BICD1: variants seen among roughly 807,000 people sequenced by gnomAD.
BICD1 encodes the protein BICD cargo adaptor 1.
Under a neutral mutation model 92.5 loss-of-function variants are expected in BICD1, and 35 were observed. That is an observed-to-expected ratio of 0.38 (90% CI 0.29 to 0.50). The LOEUF is 0.50. Ranked by LOEUF, BICD1 falls within the 20% of genes least tolerant of loss-of-function variation. BICD1 has a pLI of 0.93. For synonymous variants in BICD1, 429 were observed against 465.1 expected (o/e 0.92, Z 1.00); for missense variants, 950 against 1,189.8 (o/e 0.80, Z 2.97).
chr12:32,339,219 T>C, intron 8 of BICD1: 1 of 1,239,860 alleles, frequency 8.1e-7, no homozygotes, highest in South Asian at 2.7e-5. Context: ...TTGGAAGGAA[T>C]GGGATAGGTA....
chr12:32,235,336 A>G (rs573122775), intron 2 of BICD1, among the ~76,000 whole-genome samples: 13 of 152,228 alleles, frequency 8.5e-5, no homozygotes, highest in Non-Finnish European at 1.5e-4. Context: ...ATTAATGATA[A>G]TGAAACTAGG....
In BICD1 at chr12:32,337,253, CAAAT is replaced by C. The variant is rs1443352023; in HGVS notation, c.2253-242_2253-239del. Among the ~76,000 whole-genome samples, 1 of 152,020 alleles carries C rather than the reference CAAAT, an allele frequency of 6.6e-6. No homozygotes were observed. The highest frequency in any genetic ancestry group is 1.9e-4 in the East Asian group (1 of 5,184). ...TACAGCGAGACTCAGTCTCAAAAAA[CAAAT>C]AAACAAAACAACAACAACAAAATAA... is the stretch of plus-strand genomic sequence containing the variant. On this transcript the variant is annotated intron_variant, in intron 6 of 9. Coordinates refer to ENST00000652176, the MANE Select transcript of BICD1 (RefSeq NM_001714.4). The surrounding 1 kb of genome is among the most constrained non-coding windows in gnomAD (Gnocchi z 4.7).
chr12:32,221,607 G>A (rs940901888), intron 2 of BICD1, among the ~76,000 whole-genome samples: 8 of 151,758 alleles, frequency 5.3e-5, no homozygotes, highest in Non-Finnish European at 1.0e-4. Context: ...CTTGAACCCG[G>A]GAGGCAGAGG....
intron 9 of BICD1, among the ~76,000 whole-genome samples, chr12:32,373,412 T>C (rs1171595949): frequency 1.3e-5 from 2 of 152,272 alleles, no homozygotes; most frequent in East Asian, 3.9e-4. Context: ...ATTAATACTA[T>C]AGATAATAAC....
chr12:32,294,282 C>A, intron 3 of BICD1, 136 bp downstream of exon 3: 1 of 862,234 alleles, frequency 1.2e-6, no homozygotes, highest in Non-Finnish European at 1.7e-6. Context: ...ACTGCAATGT[C>A]CCAACCCTCC....
At chr12:32,356,965 GC>G (rs1414544872) in intron 8 of BICD1, among the ~76,000 whole-genome samples, 1 of 149,780 alleles carries the variant, frequency 6.7e-6, no homozygotes, top group East Asian at 2.0e-4. Flanking sequence ...TGTCTATAGT[GC>G]TTTTGCTAAG....
intron 8 of BICD1, among the ~76,000 whole-genome samples, chr12:32,346,670 G>GCA (rs1450494753): frequency 5.6e-5 from 3 of 53,246 alleles, no homozygotes; most frequent in Non-Finnish European, 9.6e-5. Flanking sequence ...ACACACACAC[G>GCA]CACACACACA....
intron 1 of BICD1, among the ~76,000 whole-genome samples, chr12:32,205,287 T>A (rs1274125396): frequency 6.6e-6 from 1 of 152,110 alleles, no homozygotes; most frequent in African/African-American, 2.4e-5. Flanking sequence ...TATTTGGGAA[T>A]CTCTTTCCCA....
chr12:32,164,727 ATAGT>A (rs1943704094), intron 1 of BICD1, among the ~76,000 whole-genome samples: 1 of 152,180 alleles, frequency 6.6e-6, no homozygotes, highest in Admixed American at 6.5e-5. Flanking sequence ...CAGCACGTAG[ATAGT>A]TAAAGAGAAA....
At chr12:32,322,757 C>T (rs2136247737) in intron 4 of BICD1, among the ~76,000 whole-genome samples, 1 of 152,342 alleles carries the variant, frequency 6.6e-6, no homozygotes, top group South Asian at 2.1e-4. Flanking sequence ...TAAATCTCAA[C>T]TGTCAGAGTC....
intron 8 of BICD1, among the ~76,000 whole-genome samples, chr12:32,340,910 G>A (rs1026457967): frequency 4.6e-5 from 7 of 152,148 alleles, no homozygotes; most frequent in Non-Finnish European, 4.4e-5. Flanking sequence ...TTTCTCAAGA[G>A]TGAGATCACT....
At chr12:32,182,056 G>A (rs1245588404) in intron 1 of BICD1, among the ~76,000 whole-genome samples, 1 of 151,852 alleles carries the variant, frequency 6.6e-6, no homozygotes, top group Non-Finnish European at 1.5e-5. Context: ...GGGTATGCTT[G>A]TTAGATCTAC....
chr12:32,203,832 A>G (rs1025731713), intron 1 of BICD1, among the ~76,000 whole-genome samples: 1 of 152,010 alleles, frequency 6.6e-6, no homozygotes, highest in African/African-American at 2.4e-5. Flanking sequence ...ATCCAACTCA[A>G]TAGGGGTCTG....
chr12:32,211,382 A>G (rs777457668), intron 1 of BICD1, among the ~76,000 whole-genome samples: 5 of 152,218 alleles, frequency 3.3e-5, no homozygotes, highest in Non-Finnish European at 5.9e-5. Flanking sequence ...GGATTTATCA[A>G]CATTTGGATA....
chr12:32,324,375 A>C (rs1049050341), intron 4 of BICD1, among the ~76,000 whole-genome samples: 7 of 151,074 alleles, frequency 4.6e-5, no homozygotes, highest in African/African-American at 1.2e-4. Flanking sequence ...AAAAAAAAAA[A>C]CTTAGGACAC....
intron 8 of BICD1, among the ~76,000 whole-genome samples, chr12:32,345,142 G>T (rs577447623): frequency 6.6e-6 from 1 of 151,886 alleles, no homozygotes; most frequent in Non-Finnish European, 1.5e-5. Context: ...TTAAAAATTA[G>T]CTGGATGTGC....
At chr12:32,302,671 A>T (rs903515431) in intron 3 of BICD1, among the ~76,000 whole-genome samples, 3 of 152,178 alleles carry the variant, frequency 2.0e-5, no homozygotes, top group Non-Finnish European at 4.4e-5. Context: ...TGTAACCCAG[A>T]AACTCCTACT....
intron 2 of BICD1, among the ~76,000 whole-genome samples, chr12:32,218,368 C>T (rs527254204): frequency 6.6e-6 from 1 of 152,260 alleles, no homozygotes; most frequent in African/African-American, 2.4e-5. Context: ...ACCATGAACA[C>T]GGGGCCCCCT....
chr12:32,137,139 A>G (rs1390223628), intron 1 of BICD1, among the ~76,000 whole-genome samples: 1 of 151,924 alleles, frequency 6.6e-6, no homozygotes, highest in African/African-American at 2.4e-5. Context: ...CCCAGACTGG[A>G]TTGCAGTGGT....
Sources: allele counts gnomAD v4.1 joint callset (sites outside exome capture counted in the v4.1 genomes callset), GRCh38; gene constraint gnomAD v4.1.1; non-coding constraint Gnocchi (gnomAD v3.1); transcripts MANE v1.5; gene names NCBI Gene and HGNC (gene_info 2026-07-23, HGNC 2026-07-21).